Variants in USH2A observed in about 807,000 individuals in gnomAD.
USH2A encodes Usher syndrome 2A (autosomal recessive, mild).
Under a neutral mutation model 538.9 loss-of-function variants are expected in USH2A, and 443 were observed. That is an observed-to-expected ratio of 0.82 (90% confidence interval 0.76 to 0.89). The LOEUF is 0.89. Ranked by LOEUF, USH2A falls within the 40% of genes least tolerant of loss-of-function variation. The probability of loss-of-function intolerance (pLI) is 0.00; values close to 1 mark genes in which losing one functional copy is unlikely to be tolerated. For missense variants in USH2A, 6,633 were observed against 6,324.8 expected, an observed-to-expected ratio of 1.05 and a Z score of -1.65; for synonymous variants, 2,413 against 2,273.5, an observed-to-expected ratio of 1.06 and a Z score of -1.75.
At chr1:216,207,618 A>G (rs190059474) in intron 15 of USH2A, among the ~76,000 whole-genome samples, 187 bp from the exon 16 acceptor site, 26 of 152,268 alleles carry the variant, frequency 1.7e-4, no homozygotes, top group East Asian at 7.7e-4. Context: ...TTTTATCTAT[A>G]AGCATAAAAA....
At chr1:215,692,336 C>A (rs990916233) in intron 61 of USH2A, among the ~76,000 whole-genome samples, 9 of 151,812 alleles carry the variant, frequency 5.9e-5, no homozygotes. Flanking sequence ...GCTGGAGGGG[C>A]CCGTGGAGTC....
chr1:216,007,510 G>A (rs1668427519), intron 32 of USH2A, among the ~76,000 whole-genome samples: 2 of 152,194 alleles, frequency 1.3e-5, no homozygotes, highest in African/African-American at 4.8e-5. Context: ...AAAGGAAGTA[G>A]AAATGTGCAA....
chr1:216,001,255 G>A (rs908030902), intron 32 of USH2A, among the ~76,000 whole-genome samples: 3 of 152,108 alleles, frequency 2.0e-5, no homozygotes, highest in African/African-American at 4.8e-5. Flanking sequence ...TGCATCCTTA[G>A]TATGTAGCAC....
At chr1:215,769,013 T>C (rs1356606946) in intron 55 of USH2A, among the ~76,000 whole-genome samples, 3 of 152,216 alleles carry the variant, frequency 2.0e-5, no homozygotes, top group Admixed American at 6.5e-5. Context: ...TTTATCACCA[T>C]GTGACCTGAC....
chr1:216,196,214 G>A (rs759096140), intron 19 of USH2A, among the ~76,000 whole-genome samples: 3 of 151,884 alleles, frequency 2.0e-5, no homozygotes, highest in African/African-American at 7.3e-5. Context: ...AACTGAGTGT[G>A]GACTGGTTAA....
At chr1:216,074,324 T>TTCTC (rs35866358) in intron 27 of USH2A, among the ~76,000 whole-genome samples, 378 of 149,152 alleles carry the variant, frequency 2.5e-3, no homozygotes, top group East Asian at 0.014. Context: ...AGCGTGCATG[T>TTCTC]TCTCTCTCTC....
At chr1:215,888,132 T>C (rs1182813843) in intron 41 of USH2A, among the ~76,000 whole-genome samples, 1 of 152,246 alleles carries the variant, frequency 6.6e-6, no homozygotes, top group East Asian at 1.9e-4. Flanking sequence ...TTTTCTGATC[T>C]ATTTAAATCT....
intron 3 of USH2A, among the ~76,000 whole-genome samples, chr1:216,407,011 G>A (rs1347391916): frequency 3.9e-5 from 6 of 152,208 alleles, no homozygotes; most frequent in Non-Finnish European, 1.5e-5. Context: ...TTTCCATCAA[G>A]GAAAACATGG....
intron 21 of USH2A, among the ~76,000 whole-genome samples, chr1:216,148,490 A>G (rs1185119368): frequency 6.6e-6 from 1 of 151,758 alleles, no homozygotes; most frequent in Non-Finnish European, 1.5e-5. Flanking sequence ...TGCACCCCTT[A>G]CCATCTCATT....
At chr1:215,771,353 G>A (rs1661278212) in intron 55 of USH2A, among the ~76,000 whole-genome samples, 1 of 151,502 alleles carries the variant, frequency 6.6e-6, no homozygotes, top group African/African-American at 2.4e-5. Flanking sequence ...GGCCGAGGCG[G>A]GCGGATCACG....
At position 215,799,132 on chromosome 1, in the gene USH2A, A is replaced by G. The variant is rs2102778834; in HGVS notation, c.9740-7T>C. The G allele has an allele frequency of 4.3e-6, 7 of 1,611,868 alleles. No individual in the cohort carries two copies. The highest frequency in any genetic ancestry group is 5.9e-6 in the Non-Finnish European group (7 of 1,178,750). On this transcript the variant is annotated splice_region_variant and splice_polypyrimidine_tract_variant and intron_variant, in intron 49 of 71. Transcript: ENST00000307340. ...TCTGGACAGCATACTTCACCTGTCA[A>G]TTTAGGACAATAATAATCATTACAT...
In USH2A at chr1:216,351,399, G is replaced by T. The variant is rs189768933; in HGVS notation, c.784+13554C>A. ...CCTGATGGATATCAGGAGGTGAAAA[G>T]TTCCAGGTTGAAAGAACAGCGAATG... is the stretch of plus-strand genomic sequence containing the variant. On this transcript the variant is annotated intron_variant, in intron 4 of 71. Coordinates refer to ENST00000307340, the MANE Select transcript of USH2A (RefSeq NM_206933.4). Among the ~76,000 whole-genome samples, 3 of 152,262 alleles carry T rather than the reference G, an allele frequency of 2.0e-5. No homozygotes were observed. The East Asian group carries it at 5.8e-4, about 29-fold the overall frequency.
At chr1:216,361,235 T>C (rs1404447535) in intron 4 of USH2A, among the ~76,000 whole-genome samples, 1 of 152,108 alleles carries the variant, frequency 6.6e-6, no homozygotes, top group Non-Finnish European at 1.5e-5. Context: ...ACCCCTACCT[T>C]ATATAACCTC....
At chr1:216,031,044 T>C (rs186010179) in intron 32 of USH2A, among the ~76,000 whole-genome samples, 91 of 152,142 alleles carry the variant, frequency 6.0e-4, no homozygotes, top group Middle Eastern at 3.4e-3. Flanking sequence ...CTGATATCTG[T>C]GTACTGGGCA....
At position 215,696,548 on chromosome 1, in the gene USH2A, T is replaced by C. The variant is rs562348663; in HGVS notation, c.12067-16172A>G. Among the ~76,000 whole-genome samples, 7 of 152,314 alleles carry C rather than the reference T, an allele frequency of 4.6e-5. 1 individual carries two copies. In the South Asian group the frequency reaches 1.5e-3, roughly 32 times the overall value. On this transcript the variant is annotated intron_variant, in intron 61 of 71. Coordinates refer to ENST00000307340, the MANE Select transcript of USH2A (RefSeq NM_206933.4). ...TACCAATTGTCAGTCTAAACAACCTTACAGCCTTATTAGTCATAACCATCT... is the reference window on the plus strand; with the variant it reads ...TACCAATTGTCAGTCTAAACAACCTCACAGCCTTATTAGTCATAACCATCT...
At position 216,078,373 on chromosome 1, in the gene USH2A, T is replaced by C; in HGVS notation, c.5299-11A>G. On this transcript the variant is annotated splice_polypyrimidine_tract_variant and intron_variant, in intron 26 of 71. Transcript: ENST00000307340. The stretch of plus-strand genomic sequence containing the variant: ...ACTTTTCAGCTCCATCTGTATTTTA[T>C]ATTAAAAAAGAAAGTAGGTATATAA... 6.2e-7 allele frequency: 1 copy of C among 1,612,454 alleles called. No individual in the cohort carries two copies. Among genetic ancestry groups the C allele is most frequent in the East Asian group, 2.2e-5 (1 of 44,856 alleles).
At chr1:215,868,687 C>G (rs766642160) in intron 43 of USH2A, among the ~76,000 whole-genome samples, 3 of 152,090 alleles carry the variant, frequency 2.0e-5, no homozygotes, top group Non-Finnish European at 4.4e-5. Flanking sequence ...TAGGCAGCAC[C>G]ATAAATTCAA....
intron 21 of USH2A, among the ~76,000 whole-genome samples, chr1:216,138,960 A>G (rs566017906): frequency 5.3e-5 from 8 of 151,970 alleles, no homozygotes; most frequent in African/African-American, 1.4e-4. Context: ...ATGTGTGTGT[A>G]TATATGGTTT....
At chr1:216,327,028 G>T (rs2037747737) in intron 5 of USH2A, among the ~76,000 whole-genome samples, 1 of 152,026 alleles carries the variant, frequency 6.6e-6, no homozygotes, top group East Asian at 1.9e-4. Flanking sequence ...CTACTCTCAA[G>T]ATAAGGAAAT....
Sources: gnomAD v4.1 joint callset for allele counts (sites outside exome capture counted in the v4.1 genomes callset) on GRCh38, gnomAD v4.1.1 for gene constraint, MANE v1.5 for transcripts, NCBI Gene and HGNC (gene_info 2026-07-23, HGNC 2026-07-21) for gene names.